Variants in FAM168A observed in about 807,000 individuals in gnomAD.
FAM168A encodes the protein protein FAM168A.
A neutral mutation model predicts 28.5 loss-of-function variants in FAM168A; 3 were observed. The ratio of observed to expected loss-of-function variants is 0.11; its 90% CI spans 0.05 to 0.27. FAM168A has a LOEUF of 0.27. Among genes scored for constraint, FAM168A ranks in the 10% least tolerant of loss-of-function variants. FAM168A has a pLI of 1.00. For synonymous variants in FAM168A, 122 were observed against 124.2 expected, an observed-to-expected ratio of 0.98 and a Z score of 0.12; for missense variants, 222 against 311.5, an observed-to-expected ratio of 0.71 and a Z score of 2.16.
At chr11:73,412,735 G>A (rs1237945565) in intron 4 of FAM168A, among the ~76,000 whole-genome samples, 1 of 152,168 alleles carries the variant, frequency 6.6e-6, no homozygotes, top group Non-Finnish European at 1.5e-5. Context: ...CCCTGCTGGG[G>A]AGGTGCTGAG....
At chr11:73,510,401 T>G (rs1003362321) in intron 1 of FAM168A, among the ~76,000 whole-genome samples, 1 of 152,198 alleles carries the variant, frequency 6.6e-6, no homozygotes, top group Non-Finnish European at 1.5e-5. Flanking sequence ...GGAGAAAAAC[T>G]GGCCTGGAGT....
intron 1 of FAM168A, among the ~76,000 whole-genome samples, chr11:73,575,966 C>A (rs1944168419): frequency 6.6e-6 from 1 of 152,074 alleles, no homozygotes; most frequent in African/African-American, 2.4e-5. Context: ...ATATTCCCTG[C>A]CAAAACATGC....
rs759549715 is a variant in FAM168A, at chr11:73,411,262, TACA to T, written c.420+129_420+131del. ...GACTGCAGGGATATTGCTTCAGTGATACAACAAGGACGGCTAGCCAGAGCCACA... is the reference window on the plus strand; with the variant it reads ...GACTGCAGGGATATTGCTTCAGTGATACAAGGACGGCTAGCCAGAGCCACA... On this transcript the variant is annotated intron_variant, in intron 5 of 7. Transcript: ENST00000356467. The T allele has an allele frequency of 4.9e-5, 49 of 1,003,138 alleles. 1 individual carries two copies. Among genetic ancestry groups the T allele is most frequent in the Non-Finnish European group, 7.0e-5 (48 of 684,700 alleles). The allele number at this position is 1,003,138 out of a possible 1,614,324, so 62.1% of individuals were successfully genotyped here.
intron 2 of FAM168A, among the ~76,000 whole-genome samples, chr11:73,457,723 C>CAAAAAAAAAAAAAAAAAAAAAAAA (rs58142151): frequency 3.2e-4 from 12 of 37,536 alleles, no homozygotes; most frequent in Middle Eastern, 0.036. Flanking sequence ...GCCTGGGTGA[C>CAAAAAAAAAAAAAAAAAAAAAAAA]AAAAAAAAAA....
rs118121537 is a variant in FAM168A at position 73,530,674 on chromosome 11, T to C, written c.-18-62182A>G. ...CTATCTCTATTATACCTTAGAATTCTCTTTTATCTCTTTTAAGTAGTTAAA... is the reference window on the plus strand; with the variant it reads ...CTATCTCTATTATACCTTAGAATTCCCTTTTATCTCTTTTAAGTAGTTAAA... On this transcript the variant is annotated intron_variant, in intron 1 of 7. Transcript: ENST00000356467. Among the ~76,000 whole-genome samples the C allele has an allele frequency of 1.2e-4, 19 of 152,344 alleles. No homozygotes were observed. The East Asian group carries it at 3.5e-3, about 28-fold the overall frequency.
intron 3 of FAM168A, among the ~76,000 whole-genome samples, chr11:73,423,918 T>C (rs1025131866): frequency 6.6e-5 from 10 of 152,214 alleles, no homozygotes; most frequent in Admixed American, 1.3e-4. Flanking sequence ...CTATTTCAGA[T>C]GCTATAACTG....
At chr11:73,582,270 C>A (rs1944257324) in intron 1 of FAM168A, among the ~76,000 whole-genome samples, 1 of 150,662 alleles carries the variant, frequency 6.6e-6, no homozygotes, top group Non-Finnish European at 1.5e-5. Context: ...GCCTGTAATC[C>A]CAGCACTTTG....
rs192081785 is a variant in FAM168A at position 73,542,976 on chromosome 11, G to C, written c.-19+54947C>G. ...GGAGTTAGTACTTACAGTTCTCTCTGCCTAAAGAATTCTTCCCTCAAATTA... is the reference window on the plus strand; with the variant it reads ...GGAGTTAGTACTTACAGTTCTCTCTCCCTAAAGAATTCTTCCCTCAAATTA... On this transcript the variant is annotated intron_variant, in intron 1 of 7. Coordinates refer to ENST00000356467, the MANE Select transcript of FAM168A (RefSeq NM_015159.3). 2.4e-3 allele frequency among the ~76,000 whole-genome samples: 362 copies of C among 152,166 alleles called. 10 individuals carry two copies. Among genetic ancestry groups the C allele is most frequent in the Middle Eastern group, 0.014 (4 of 294 alleles).
intron 1 of FAM168A, among the ~76,000 whole-genome samples, chr11:73,565,524 T>C (rs995257813): frequency 1.3e-5 from 2 of 151,190 alleles, no homozygotes; most frequent in African/African-American, 4.9e-5. Context: ...TGACCCTCAA[T>C]TTCCTCATCT....
intron 2 of FAM168A, among the ~76,000 whole-genome samples, chr11:73,449,346 G>A (rs140276579): frequency 1.6e-3 from 248 of 152,232 alleles, no homozygotes; most frequent in Middle Eastern, 0.01. Flanking sequence ...ATAAAACAGC[G>A]GAGCTGAGAT....
intron 1 of FAM168A, among the ~76,000 whole-genome samples, chr11:73,477,262 T>G (rs1867900959): frequency 6.6e-6 from 1 of 152,052 alleles, no homozygotes; most frequent in South Asian, 2.1e-4. Flanking sequence ...AGTCAGGTAC[T>G]ATGCTCGCTA....
In FAM168A at chr11:73,477,934, T is replaced by C. The variant is rs1378018966; in HGVS notation, c.-18-9442A>G. 4.0e-5 allele frequency among the ~76,000 whole-genome samples: 5 copies of C among 124,416 alleles called. No individual in the cohort carries two copies. The East Asian group carries it at 1.0e-3, about 25-fold the overall frequency. The allele number at this position is 124,416 out of a possible 152,430, so 81.6% of individuals were successfully genotyped here. A position where few individuals can be genotyped will look rare whatever the true frequency, so the allele number is the denominator to read the frequency against. On this transcript the variant is annotated intron_variant, in intron 1 of 7. Coordinates refer to ENST00000356467, the MANE Select transcript of FAM168A (RefSeq NM_015159.3). ...GAAAGCTGATATGTAGATAGATAGA[T>C]AGATAGATAGATAGATAGATAGATA...
At chr11:73,562,327 G>T (rs145958960) in intron 1 of FAM168A, among the ~76,000 whole-genome samples, 1 of 152,180 alleles carries the variant, frequency 6.6e-6, no homozygotes, top group Admixed American at 6.5e-5. Flanking sequence ...ACGCTGAAAG[G>T]TTCTTTTGGG....
At chr11:73,478,120 C>T (rs513268) in intron 1 of FAM168A, among the ~76,000 whole-genome samples, 73,417 of 152,046 alleles carry the variant, frequency 0.48, 19,304 homozygotes, top group African/African-American at 0.7. Context: ...GGAATGCTGC[C>T]ATATTGGAGC....
chr11:73,592,014 A>G (rs1944388499), intron 1 of FAM168A, among the ~76,000 whole-genome samples: 1 of 152,254 alleles, frequency 6.6e-6, no homozygotes, highest in Non-Finnish European at 1.5e-5. Context: ...TAGAAAAATT[A>G]TAAAACAGAG....
At chr11:73,477,978 G>A (rs1867914128) in intron 1 of FAM168A, among the ~76,000 whole-genome samples, 1 of 148,096 alleles carries the variant, frequency 6.8e-6, no homozygotes, top group Non-Finnish European at 1.5e-5. Context: ...GATAAAACAA[G>A]GTATAAATAT....
At chr11:73,504,970 CA>C (rs1287403667) in intron 1 of FAM168A, among the ~76,000 whole-genome samples, 2 of 152,042 alleles carry the variant, frequency 1.3e-5, no homozygotes, top group African/African-American at 2.4e-5. Flanking sequence ...CACATGGACA[CA>C]GAGAGGGGAA....
intron 1 of FAM168A, among the ~76,000 whole-genome samples, chr11:73,552,371 C>A (rs1438462886): frequency 6.6e-6 from 1 of 152,178 alleles, no homozygotes; most frequent in Non-Finnish European, 1.5e-5. Context: ...ACATTTAACA[C>A]TCTCCTTTGT....
chr11:73,425,066 T>C, intron 3 of FAM168A: 2 of 1,522,604 alleles, frequency 1.3e-6, no homozygotes, highest in South Asian at 2.4e-5. Context: ...ATAGAAATGT[T>C]AGTTGAAATT....
Sources: gnomAD v4.1 joint callset for allele counts (sites outside exome capture counted in the v4.1 genomes callset) on GRCh38, gnomAD v4.1.1 for gene constraint, MANE v1.5 for transcripts, NCBI Gene and HGNC (gene_info 2026-07-23, HGNC 2026-07-21) for gene names.